Variants in QSER1 observed in about 807,000 individuals in gnomAD.
The protein encoded by QSER1 is glutamine and serine-rich protein 1.
In QSER1, 49 loss-of-function variants were observed where a neutral mutation model predicts 158.5. That is an observed-to-expected ratio of 0.31 (90% CI 0.25 to 0.39). The LOEUF (loss-of-function observed/expected upper bound fraction) is 0.39, where lower values mean the gene tolerates loss of function less well. Ranked by LOEUF, QSER1 falls within the 10% of genes least tolerant of loss-of-function variation. QSER1 has a pLI of 1.00. For missense variants in QSER1, 1,754 were observed against 2,010.3 expected, an observed-to-expected ratio of 0.87 and a Z score of 2.44; for synonymous variants, 650 against 715.5, an observed-to-expected ratio of 0.91 and a Z score of 1.46.
rs1853004591 is a variant in QSER1, at chr11:32,977,893, C to T, written c.*1419C>T. 1 of 152,582 alleles carries T rather than the reference C, an allele frequency of 6.6e-6. No individual in the cohort carries two copies. The allele number at this position is 152,582 out of a possible 1,614,324, so 9.5% of individuals were successfully genotyped here. A position where few individuals can be genotyped will look rare whatever the true frequency, so the allele number is the denominator to read the frequency against. ...AAATCCTATCAAGAAAGCAGTGTTA[C>T]TGCTCAATGCCCAAATAAGACACGC... On this transcript the variant is annotated 3_prime_UTR_variant, in exon 13 of 13. Transcript: ENST00000650167.
intron 5 of QSER1, 68 bp from the exon 6 acceptor site, chr11:32,955,228 C>A: frequency 1.2e-6 from 1 of 837,010 alleles, no homozygotes; most frequent in Non-Finnish European, 1.9e-6. Flanking sequence ...TTCCTTTCAT[C>A]TCTAATATTC....
intron 7 of QSER1, among the ~76,000 whole-genome samples, chr11:32,957,236 G>T (rs1183172482): frequency 1.3e-5 from 2 of 150,628 alleles, no homozygotes; most frequent in Non-Finnish European, 3.0e-5. Flanking sequence ...CCACCTCCCG[G>T]GTTCAAGCGA....
chr11:32,970,747 T>G (rs1852837014), intron 10 of QSER1, among the ~76,000 whole-genome samples: 1 of 152,084 alleles, frequency 6.6e-6, no homozygotes, highest in Non-Finnish European at 1.5e-5. Flanking sequence ...TTTAAATAAA[T>G]GAAATATTCT....
intron 1 of QSER1, among the ~76,000 whole-genome samples, chr11:32,918,874 CA>C (rs1342617116): frequency 3.3e-5 from 5 of 152,094 alleles, no homozygotes; most frequent in East Asian, 1.9e-4. Flanking sequence ...GCATGGCTTA[CA>C]TTTTTTTAAA....
At chr11:32,964,634 C>T (rs1852691325) in intron 8 of QSER1, among the ~76,000 whole-genome samples, 2 of 148,034 alleles carry the variant, frequency 1.4e-5, no homozygotes, top group African/African-American at 5.0e-5. Context: ...GAGGCTGAGA[C>T]AGGAGGATCA....
intron 7 of QSER1, among the ~76,000 whole-genome samples, 170 bp downstream of exon 7, chr11:32,956,291 C>T (rs1441265833): frequency 6.6e-6 from 1 of 152,034 alleles, no homozygotes; most frequent in Non-Finnish European, 1.5e-5. Flanking sequence ...GAGATGGGCA[C>T]TGTAAAGCTC....
intron 8 of QSER1, among the ~76,000 whole-genome samples, chr11:32,962,020 A>C (rs193178401): frequency 1.3e-4 from 20 of 152,308 alleles, no homozygotes. Context: ...TACTATTGTC[A>C]CATAATAATC....
chr11:32,949,235 A>G (rs542776531), intron 4 of QSER1, among the ~76,000 whole-genome samples: 213 of 152,256 alleles, frequency 1.4e-3, no homozygotes, highest in African/African-American at 5.0e-3. Flanking sequence ...TCCTTTTCTC[A>G]GAGTCTGCTG....
chr11:32,928,608 A>ACTTG (rs1417805639), intron 3 of QSER1, among the ~76,000 whole-genome samples: 1 of 152,190 alleles, frequency 6.6e-6, no homozygotes. Context: ...TACAAGGTCT[A>ACTTG]TAATGTGCTT....
At chr11:32,947,967 C>T (rs118037718) in intron 4 of QSER1, among the ~76,000 whole-genome samples, 2,964 of 151,736 alleles carry the variant, frequency 0.02, 46 homozygotes, top group South Asian at 0.038. Context: ...TTTTTTCTTG[C>T]GAAATACAAC....
At chr11:32,897,183 CT>C (rs2133484125) in intron 1 of QSER1, among the ~76,000 whole-genome samples, 1 of 152,248 alleles carries the variant, frequency 6.6e-6, no homozygotes, top group African/African-American at 2.4e-5. Context: ...GGTAGGCATT[CT>C]TTTTACCATC....
chr11:32,925,396 A>C (rs1460973422), intron 1 of QSER1, among the ~76,000 whole-genome samples: 1 of 152,150 alleles, frequency 6.6e-6, no homozygotes, highest in Non-Finnish European at 1.5e-5. Flanking sequence ...GCCCAGTGAT[A>C]CTCCACTGAA....
At chr11:32,973,216 G>A (rs977407369) in intron 10 of QSER1, among the ~76,000 whole-genome samples, 181 bp from the exon 11 acceptor site, 11 of 152,108 alleles carry the variant, frequency 7.2e-5, no homozygotes, top group African/African-American at 2.2e-4. Context: ...ACCTGTGTAT[G>A]TATATGTATG....
intron 1 of QSER1, among the ~76,000 whole-genome samples, chr11:32,916,584 T>C (rs921407003): frequency 6.6e-6 from 1 of 152,154 alleles, no homozygotes; most frequent in Non-Finnish European, 1.5e-5. Context: ...CTAGGCTATA[T>C]GGTATGATCT....
intron 4 of QSER1, among the ~76,000 whole-genome samples, chr11:32,947,806 G>T (rs1014735211): frequency 6.6e-6 from 1 of 152,050 alleles, no homozygotes; most frequent in Non-Finnish European, 1.5e-5. Flanking sequence ...ATGTAATTCA[G>T]TGCATAAAAT....
chr11:32,923,347 G>A (rs1851921530), intron 1 of QSER1, among the ~76,000 whole-genome samples: 1 of 152,168 alleles, frequency 6.6e-6, no homozygotes, highest in South Asian at 2.1e-4. Flanking sequence ...TCTCTCCCTT[G>A]GTTTCTGTGG....
intron 4 of QSER1, among the ~76,000 whole-genome samples, chr11:32,942,921 TG>T (rs1852265216): frequency 6.6e-6 from 1 of 152,190 alleles, no homozygotes; most frequent in South Asian, 2.1e-4. Context: ...AGCAGCGGTT[TG>T]TAGTTCTCCT....
intron 10 of QSER1, among the ~76,000 whole-genome samples, chr11:32,969,671 T>TTTTTC (rs1212906020): frequency 5.3e-5 from 8 of 151,160 alleles, no homozygotes; most frequent in African/African-American, 1.5e-4. Flanking sequence ...TTTCTAGCTT[T>TTTTTC]TTTTCTTTTC....
chr11:32,954,650 G>C (rs1852480895), intron 5 of QSER1, among the ~76,000 whole-genome samples: 1 of 152,036 alleles, frequency 6.6e-6, no homozygotes, highest in Non-Finnish European at 1.5e-5. Context: ...ACATATTTTG[G>C]GGTTTCTGTT....
Sources: gnomAD v4.1 joint callset for allele counts (sites outside exome capture counted in the v4.1 genomes callset) on GRCh38, gnomAD v4.1.1 for gene constraint, MANE v1.5 for transcripts, NCBI Gene and HGNC (gene_info 2026-07-23, HGNC 2026-07-21) for gene names.